The following ELOVL7 variants were observed in gnomAD, a reference collection of about 807,000 sequenced individuals.
ELOVL7 encodes the protein ELOVL fatty acid elongase 7.
In ELOVL7, 27 loss-of-function variants were observed where a neutral mutation model predicts 35.7. The observed-to-expected ratio is 0.76, with a 90% CI of 0.56 to 1.04. ELOVL7 has a LOEUF of 1.04. ELOVL7 is among the 50% of genes least tolerant of loss of function. The pLI is 0.00. For missense variants in ELOVL7, 327 were observed against 340.8 expected, an observed-to-expected ratio of 0.96 and a Z score of 0.32; for synonymous variants, 113 against 114.6, an observed-to-expected ratio of 0.99 and a Z score of 0.09.
At chr5:60,807,369 G>T (rs1175911463) in intron 1 of ELOVL7, among the ~76,000 whole-genome samples, 1 of 151,584 alleles carries the variant, frequency 6.6e-6, no homozygotes, top group Non-Finnish European at 1.5e-5. Context: ...TGGGCTACAG[G>T]AAAAAATGAC....
At chr5:60,822,803 G>A (rs917252635) in intron 1 of ELOVL7, among the ~76,000 whole-genome samples, 7 of 152,196 alleles carry the variant, frequency 4.6e-5, no homozygotes, top group Admixed American at 6.5e-5. Context: ...AACTCAGTAC[G>A]TGCAGGATCA....
At chr5:60,806,343 T>C (rs1744923107) in intron 1 of ELOVL7, among the ~76,000 whole-genome samples, 1 of 152,142 alleles carries the variant, frequency 6.6e-6, no homozygotes, top group Non-Finnish European at 1.5e-5. Flanking sequence ...TTCACTCAAC[T>C]TGAAGAAAAA....
chr5:60,800,784 C>G (rs1235996503), intron 1 of ELOVL7, among the ~76,000 whole-genome samples: 2 of 152,128 alleles, frequency 1.3e-5, no homozygotes, highest in Admixed American at 6.5e-5. Flanking sequence ...GTCTTCCCTC[C>G]ATATTCATGG....
At chr5:60,802,248 T>C (rs1479077559) in intron 1 of ELOVL7, among the ~76,000 whole-genome samples, 1 of 151,876 alleles carries the variant, frequency 6.6e-6, no homozygotes, top group Non-Finnish European at 1.5e-5. Flanking sequence ...GTACAATTTT[T>C]CTTTTATATC....
chr5:60,792,697 G>A (rs1157823106), intron 2 of ELOVL7, among the ~76,000 whole-genome samples: 1 of 152,074 alleles, frequency 6.6e-6, no homozygotes, highest in Non-Finnish European at 1.5e-5. Flanking sequence ...AAAATTGGAG[G>A]GAGCAATTTA....
chr5:60,807,722 G>A (rs997217542), intron 1 of ELOVL7, among the ~76,000 whole-genome samples: 21 of 152,100 alleles, frequency 1.4e-4, no homozygotes, highest in Non-Finnish European at 1.8e-4. Flanking sequence ...AAATGGGGCC[G>A]GGCGCGGTGG....
At chr5:60,789,603 C>T (rs1354473546) in intron 2 of ELOVL7, among the ~76,000 whole-genome samples, 1 of 152,168 alleles carries the variant, frequency 6.6e-6, no homozygotes, top group African/African-American at 2.4e-5. Context: ...CACAGCATTT[C>T]TACTTCTAGA....
At chr5:60,813,230 T>C (rs143923617) in intron 1 of ELOVL7, among the ~76,000 whole-genome samples, 38 of 152,300 alleles carry the variant, frequency 2.5e-4, no homozygotes, top group African/African-American at 8.9e-4. Flanking sequence ...TGTGCTCTTT[T>C]ACCTCCAACC....
At chr5:60,779,762 G>T (rs769289927) in intron 3 of ELOVL7, among the ~76,000 whole-genome samples, 3 of 152,178 alleles carry the variant, frequency 2.0e-5, no homozygotes, top group African/African-American at 7.2e-5. Flanking sequence ...GCAAATTTCT[G>T]CAGCAGGCTT....
At chr5:60,781,388 C>T (rs1390310712) in intron 3 of ELOVL7, among the ~76,000 whole-genome samples, 2 of 152,026 alleles carry the variant, frequency 1.3e-5, no homozygotes, top group African/African-American at 4.8e-5. Flanking sequence ...TAGAAACGAG[C>T]TTAAATGTCA....
At chr5:60,795,175 G>C (rs1744173556) in intron 2 of ELOVL7, among the ~76,000 whole-genome samples, 1 of 152,202 alleles carries the variant, frequency 6.6e-6, no homozygotes, top group African/African-American at 2.4e-5. Flanking sequence ...ATGTGAGTCA[G>C]AATGGGGCAG....
At chr5:60,771,813 A>G (rs1742606849) in intron 4 of ELOVL7, 90 bp downstream of exon 4, 1 of 997,718 alleles carries the variant, frequency 1.0e-6, no homozygotes, top group African/African-American at 1.6e-5. Context: ...CTTAAATTGC[A>G]AAGTTTACCC....
At chr5:60,778,230 G>A (rs1012679496) in intron 3 of ELOVL7, among the ~76,000 whole-genome samples, 1 of 152,126 alleles carries the variant, frequency 6.6e-6, no homozygotes, top group African/African-American at 2.4e-5. Flanking sequence ...ATGTCACAAA[G>A]GAAGTCTCCA....
chr5:60,784,050 A>C, intron 3 of ELOVL7: 1 of 877,122 alleles, frequency 1.1e-6, no homozygotes, highest in East Asian at 2.6e-5. Flanking sequence ...CGTTTCTAAG[A>C]GTGTCCCAGG....
chr5:60,767,052 A>C (rs1742284115), intron 5 of ELOVL7, among the ~76,000 whole-genome samples: 1 of 152,110 alleles, frequency 6.6e-6, no homozygotes, highest in South Asian at 2.1e-4. Flanking sequence ...TAAAGGCTGA[A>C]TCATATTCCA....
intron 4 of ELOVL7, among the ~76,000 whole-genome samples, chr5:60,771,141 A>C (rs1742562472): frequency 6.6e-6 from 1 of 152,218 alleles, no homozygotes; most frequent in Non-Finnish European, 1.5e-5. Context: ...ATTAAGCACC[A>C]GTTATGCTAT....
intron 1 of ELOVL7, among the ~76,000 whole-genome samples, chr5:60,831,059 A>G (rs1024284113): frequency 2.6e-5 from 4 of 152,214 alleles, no homozygotes; most frequent in Non-Finnish European, 5.9e-5. Context: ...GCAAATAGCT[A>G]ATGTTTATTA....
chr5:60,788,087 A>C (rs957523777), intron 2 of ELOVL7, among the ~76,000 whole-genome samples: 1 of 152,198 alleles, frequency 6.6e-6, no homozygotes, highest in Non-Finnish European at 1.5e-5. Flanking sequence ...TAATTAAGAC[A>C]CTGTGGCACT....
At chr5:60,833,429 C>T (rs1746603084) in intron 1 of ELOVL7, among the ~76,000 whole-genome samples, 1 of 152,142 alleles carries the variant, frequency 6.6e-6, no homozygotes, top group Non-Finnish European at 1.5e-5. Context: ...TCCTGTGGGA[C>T]TGAGCGCCAG....
Sources: allele counts gnomAD v4.1 joint callset (sites outside exome capture counted in the v4.1 genomes callset), GRCh38; gene constraint gnomAD v4.1.1; transcripts MANE v1.5; gene names NCBI Gene and HGNC (gene_info 2026-07-23, HGNC 2026-07-21).